APBB2: variants seen among roughly 807,000 people sequenced by gnomAD.
The protein encoded by APBB2 is Fe65-like 1.
APBB2 carries 38 observed loss-of-function variants against 82.5 expected under a neutral mutation model. The observed-to-expected ratio is 0.46, with a 90% CI of 0.36 to 0.60. The LOEUF is 0.60. Ranked by LOEUF, APBB2 falls within the 20% of genes least tolerant of loss-of-function variation. The pLI is 0.00. For synonymous variants in APBB2, 341 were observed against 368.2 expected, an observed-to-expected ratio of 0.93 and a Z score of 0.85; for missense variants, 772 against 972.3, an observed-to-expected ratio of 0.79 and a Z score of 2.74.
rs906363253 is a variant in APBB2 at position 41,127,701 on chromosome 4, C to T, written c.-261+15286G>A. 6.6e-6 allele frequency among the ~76,000 whole-genome samples: 1 copy of T among 152,208 alleles called. No individual in the cohort carries two copies. The highest frequency in any genetic ancestry group is 2.4e-5 in the African/African-American group (1 of 41,462). ...ACTCCATTAAAAAGTGGGCAAAAGGCTAGGCACGATGGGTCATGCCTGTAA... is the reference window on the plus strand; with the variant it reads ...ACTCCATTAAAAAGTGGGCAAAAGGTTAGGCACGATGGGTCATGCCTGTAA... On this transcript the variant is annotated intron_variant, in intron 2 of 17. Transcript: ENST00000508593. The surrounding 1 kb of genome is among the most constrained non-coding windows in gnomAD (Gnocchi z 4.8).
chr4:40,890,513 C>A (rs756196657), intron 11 of APBB2, 22 bp from the exon 12 acceptor site: 3 of 1,612,776 alleles, frequency 1.9e-6, no homozygotes, highest in Non-Finnish European at 2.5e-6. Flanking sequence ...CGAGAAAACA[C>A]GCTGTCTTCT....
At chr4:41,048,744 T>C (rs1205131572) in intron 4 of APBB2, among the ~76,000 whole-genome samples, 1 of 149,130 alleles carries the variant, frequency 6.7e-6, no homozygotes, top group East Asian at 2.1e-4. Context: ...ACTGTACTGC[T>C]GCCAACTCGG....
chr4:41,009,921 A>C (rs982672114), intron 6 of APBB2, among the ~76,000 whole-genome samples: 17 of 152,248 alleles, frequency 1.1e-4, no homozygotes, highest in African/African-American at 3.9e-4. Flanking sequence ...ATTTAGACTG[A>C]TCATGATTAT....
intron 3 of APBB2, among the ~76,000 whole-genome samples, chr4:41,073,276 C>T (rs1215825167): frequency 6.6e-6 from 1 of 152,138 alleles, no homozygotes; most frequent in Non-Finnish European, 1.5e-5. Context: ...TGTAAAAATT[C>T]CCCATTATGA....
chr4:41,184,140 CA>C (rs1287936525), intron 1 of APBB2, among the ~76,000 whole-genome samples: 1 of 152,060 alleles, frequency 6.6e-6, no homozygotes. Context: ...ACTGATCTGA[CA>C]GGGGGCAGAG....
At chr4:41,018,955 G>A (rs1411185017) in intron 5 of APBB2, among the ~76,000 whole-genome samples, 1 of 152,208 alleles carries the variant, frequency 6.6e-6, no homozygotes, top group Non-Finnish European at 1.5e-5. Context: ...CACTACTACA[G>A]TTCCAGCTCT....
chr4:40,941,571 T>C (rs1560339103), intron 7 of APBB2, among the ~76,000 whole-genome samples: 1 of 152,218 alleles, frequency 6.6e-6, no homozygotes, highest in Non-Finnish European at 1.5e-5. Flanking sequence ...CAGTGTCAAA[T>C]GTAAAATGAG....
At chr4:40,844,503 G>A (rs777180473) in intron 12 of APBB2, among the ~76,000 whole-genome samples, 6 of 152,188 alleles carry the variant, frequency 3.9e-5, no homozygotes, top group Non-Finnish European at 7.3e-5. Flanking sequence ...CATTTGAGAT[G>A]GACTGTCTCC....
intron 1 of APBB2, among the ~76,000 whole-genome samples, chr4:41,188,675 G>C (rs1167042334): frequency 6.6e-6 from 1 of 152,188 alleles, no homozygotes. Flanking sequence ...AGCCTGAACA[G>C]ACTAAAACAG....
At chr4:41,188,252 AG>A (rs1773469577) in intron 1 of APBB2, among the ~76,000 whole-genome samples, 1 of 152,230 alleles carries the variant, frequency 6.6e-6, no homozygotes, top group African/African-American at 2.4e-5. Flanking sequence ...AACAGGTTCC[AG>A]AGACATTTCC....
intron 5 of APBB2, among the ~76,000 whole-genome samples, chr4:41,026,998 G>C (rs928578805): frequency 1.3e-5 from 2 of 152,094 alleles, no homozygotes; most frequent in Non-Finnish European, 2.9e-5. Flanking sequence ...CAATGAGATG[G>C]GGGAACCCTC....
intron 1 of APBB2, among the ~76,000 whole-genome samples, chr4:41,170,399 G>A (rs1312970150): frequency 1.3e-5 from 2 of 152,164 alleles, no homozygotes; most frequent in Admixed American, 6.5e-5. Context: ...CATCCATTTG[G>A]AAGGAAGACC....
intron 6 of APBB2, among the ~76,000 whole-genome samples, chr4:40,982,272 AAG>A (rs1397981702): frequency 2.7e-5 from 1 of 37,430 alleles, no homozygotes; most frequent in East Asian, 6.3e-4. Context: ...GAAAGAAAGA[AAG>A]AAAGAAAGAA....
intron 1 of APBB2, among the ~76,000 whole-genome samples, chr4:41,202,350 T>C (rs1242713902): frequency 6.6e-6 from 1 of 152,238 alleles, no homozygotes; most frequent in Non-Finnish European, 1.5e-5. Context: ...ACTTAGCATA[T>C]GCCAGTTCTC....
At chr4:40,971,459 T>C (rs4501254) in intron 6 of APBB2, among the ~76,000 whole-genome samples, 39,824 of 152,204 alleles carry the variant, frequency 0.26, 5,269 homozygotes, top group Middle Eastern at 0.32. Context: ...AAGGATTACA[T>C]TATACATCTT....
chr4:40,927,039 T>C (rs559243662), intron 10 of APBB2, among the ~76,000 whole-genome samples: 1 of 152,296 alleles, frequency 6.6e-6, no homozygotes, highest in African/African-American at 2.4e-5. Context: ...GACTATTTCA[T>C]CTCCAGATGC....
At chr4:40,816,351 T>G in intron 17 of APBB2, 92 bp from the exon 18 acceptor site, 1 of 1,370,630 alleles carries the variant, frequency 7.3e-7, no homozygotes, top group Non-Finnish European at 1.0e-6. Context: ...ATACATTGAC[T>G]CCCAAAGGTT....
chr4:41,098,678 C>T (rs1470514762), intron 3 of APBB2, among the ~76,000 whole-genome samples: 1 of 152,140 alleles, frequency 6.6e-6, no homozygotes, highest in Admixed American at 6.5e-5. Context: ...AAATACTGCA[C>T]TAGAGACTAT....
At chr4:40,854,778 A>G (rs532559315) in intron 12 of APBB2, among the ~76,000 whole-genome samples, 7 of 135,612 alleles carry the variant, frequency 5.2e-5, no homozygotes, top group Non-Finnish European at 6.3e-5. Flanking sequence ...GATAAGAGCG[A>G]AAGTCCATCT....
Sources: allele counts gnomAD v4.1 joint callset (sites outside exome capture counted in the v4.1 genomes callset), GRCh38; gene constraint gnomAD v4.1.1; non-coding constraint Gnocchi (gnomAD v3.1); transcripts MANE v1.5; gene names NCBI Gene and HGNC (gene_info 2026-07-23, HGNC 2026-07-21).